ADAMTS17: variants seen among roughly 807,000 people sequenced by gnomAD.
ADAMTS17 encodes the protein A disintegrin and metalloproteinase with thrombospondin motifs 17.
Under a neutral mutation model 141.5 loss-of-function variants are expected in ADAMTS17, and 113 were observed. That is an observed-to-expected ratio of 0.80 (90% CI 0.69 to 0.93). ADAMTS17 has a LOEUF of 0.93. ADAMTS17 is among the 40% of genes least tolerant of loss of function. ADAMTS17 has a pLI of 0.00. For synonymous variants in ADAMTS17, 768 were observed against 630.6 expected (o/e 1.22, Z -3.27); for missense variants, 1,659 against 1,517.9 (o/e 1.09, Z -1.54).
At chr15:100,282,583 C>A (rs1241836929) in intron 3 of ADAMTS17, among the ~76,000 whole-genome samples, 1 of 152,236 alleles carries the variant, frequency 6.6e-6, no homozygotes, top group African/African-American at 2.4e-5. Context: ...CAAAATCGCT[C>A]ATTGTACTGT....
chr15:100,136,363 A>G (rs1280210667), intron 10 of ADAMTS17, among the ~76,000 whole-genome samples: 1 of 152,242 alleles, frequency 6.6e-6, no homozygotes, highest in Non-Finnish European at 1.5e-5. Flanking sequence ...TTAGCACTGC[A>G]GCGTCTCATC....
chr15:100,340,533 C>A (rs961469448), intron 2 of ADAMTS17, among the ~76,000 whole-genome samples: 12 of 152,154 alleles, frequency 7.9e-5, no homozygotes, highest in African/African-American at 1.9e-4. Flanking sequence ...TGTCTGGGTA[C>A]CTCTCCAAAC....
intron 14 of ADAMTS17, among the ~76,000 whole-genome samples, chr15:100,105,697 A>AT (rs1195762700): frequency 4.0e-5 from 6 of 151,546 alleles, no homozygotes; most frequent in Admixed American, 6.6e-5. Context: ...TCTTATTTTT[A>AT]TTTTTTTTGA....
chr15:100,064,274 C>T (rs539837514), intron 15 of ADAMTS17, among the ~76,000 whole-genome samples: 2 of 152,322 alleles, frequency 1.3e-5, no homozygotes, highest in South Asian at 4.1e-4. Flanking sequence ...CAGATCCTCC[C>T]TCGTGACCTG....
intron 18 of ADAMTS17, among the ~76,000 whole-genome samples, chr15:100,034,367 G>A (rs74961944): frequency 0.014 from 2,088 of 152,356 alleles, 51 homozygotes; most frequent in African/African-American, 0.048. Flanking sequence ...GGCACAGGCC[G>A]TGCTGTGGGA....
chr15:100,244,329 CAGT>C (rs765362547), intron 7 of ADAMTS17, among the ~76,000 whole-genome samples: 57 of 145,504 alleles, frequency 3.9e-4, no homozygotes, highest in Non-Finnish European at 6.9e-4. Context: ...CACTCAACGA[CAGT>C]GGTGGACAAG....
chr15:100,130,465 C>T (rs2037980531), intron 12 of ADAMTS17, among the ~76,000 whole-genome samples: 1 of 152,096 alleles, frequency 6.6e-6, no homozygotes, highest in Non-Finnish European at 1.5e-5. Context: ...ATAATTAATA[C>T]ATAATGCCAA....
chr15:100,261,766 C>T lies in ADAMTS17; in HGVS notation c.874-130G>A, dbSNP rs148195623. The T allele has an allele frequency of 5.6e-4, 569 of 1,018,026 alleles. 3 individuals are homozygous for T. In the East Asian group the frequency reaches 0.013, roughly 24 times the overall value. The allele number at this position is 1,018,026 out of a possible 1,614,324, so 63.1% of individuals were successfully genotyped here. Reference sequence around the variant, plus strand: ...ACATCATTTGATGACTCACGGCCCTCGAAGAAAAGCCTGATGCTAGTGGGT... The same window carrying T: ...ACATCATTTGATGACTCACGGCCCTTGAAGAAAAGCCTGATGCTAGTGGGT... On this transcript the variant is annotated intron_variant, in intron 5 of 21. Transcript: ENST00000268070.
Position 100,341,126 on chromosome 15 carries a change from G to C in ADAMTS17, c.363C>G (p.Pro121=), listed in dbSNP as rs893666742. 7.6e-6 allele frequency: 11 copies of C among 1,442,874 alleles called. No homozygotes were observed. The highest frequency in any genetic ancestry group is 9.9e-6 in the Non-Finnish European group (11 of 1,106,898). 89.4% of individuals were successfully genotyped at this position (1,442,874 alleles called of 1,614,324 possible). The part of the protein sequence containing the change: ...EAGAARRRGR[P]AELCFYSGRV... ...GGCCCGAGTAGAAGCACAGCTCGGCGGGGCGGCCGCGGCGCCGGGCCGCGC... is the reference window on the plus strand; with the variant it reads ...GGCCCGAGTAGAAGCACAGCTCGGCCGGGCGGCCGCGGCGCCGGGCCGCGC... Residue 121 remains proline (P), a synonymous_variant, in exon 2 of 22, where the codon CCC becomes CCG. Transcript: ENST00000268070.
chr15:100,218,078 G>T (rs1052530873), intron 7 of ADAMTS17, among the ~76,000 whole-genome samples: 7 of 151,912 alleles, frequency 4.6e-5, no homozygotes, highest in Non-Finnish European at 1.0e-4. Flanking sequence ...TCACCATGTT[G>T]CCCAGGCTAG....
intron 14 of ADAMTS17, among the ~76,000 whole-genome samples, chr15:100,102,821 CCGT>C (rs2036198782): frequency 6.6e-6 from 1 of 152,182 alleles, no homozygotes. Flanking sequence ...ACTTGACAGC[CCGT>C]CAAGCTCTGA....
chr15:99,991,626 G>C (rs1389297547), intron 20 of ADAMTS17, among the ~76,000 whole-genome samples: 1 of 152,180 alleles, frequency 6.6e-6, no homozygotes, highest in Non-Finnish European at 1.5e-5. Flanking sequence ...ATTCCTCAAG[G>C]ATCTAGAACC....
Position 99,997,581 on chromosome 15 carries a change from G to A in ADAMTS17, c.2600C>T (p.Ala867Val). 3 of 1,612,856 alleles carry A rather than the reference G, an allele frequency of 1.9e-6. No homozygotes were observed. The highest frequency in any genetic ancestry group is 2.5e-6 in the Non-Finnish European group (3 of 1,179,866). The change falls in exon 19 of 22, where the codon GCA becomes GTA. Residue 867 changes from alanine (A) to valine (V), a missense_variant. Transcript: ENST00000268070. The surrounding 1 kb of genome is among the most constrained non-coding windows in gnomAD (Gnocchi z 4.7). ...CGCCGAGCAGGGGCTCCACGGGCCT[G>A]CCACCCACCTGCCAGACGGGAGGAA... ...NLHPCQSRWV[A>V]GPWSPCSATC...
intron 7 of ADAMTS17, among the ~76,000 whole-genome samples, chr15:100,201,265 G>T (rs2035345): frequency 0.19 from 29,370 of 152,104 alleles, 3,038 homozygotes; most frequent in East Asian, 0.24. Context: ...CCCCCACGCC[G>T]TTCTTGGGAC....
In ADAMTS17 at chr15:99,974,138, C is replaced by T. The variant is rs920183012; in HGVS notation, c.*264G>A. The T allele has an allele frequency of 1.9e-6, 1 of 533,898 alleles. No individual in the cohort carries two copies. The highest frequency in any genetic ancestry group is 1.9e-5 in the African/African-American group (1 of 52,340). The allele number at this position is 533,898 out of a possible 1,614,324, so 33.1% of individuals were successfully genotyped here. A position where few individuals can be genotyped will look rare whatever the true frequency, so the allele number is the denominator to read the frequency against. On this transcript the variant is annotated 3_prime_UTR_variant, in exon 22 of 22. Transcript: ENST00000268070. Reference sequence around the variant, plus strand: ...ACGGTTGTCTGCCAGAGGTGCTTCCCTTCGAGGTACCTGAAATCCTAGAAA... The same window carrying T: ...ACGGTTGTCTGCCAGAGGTGCTTCCTTTCGAGGTACCTGAAATCCTAGAAA...
intron 18 of ADAMTS17, among the ~76,000 whole-genome samples, chr15:100,039,758 T>G (rs2031080470): frequency 6.6e-6 from 1 of 152,240 alleles, no homozygotes; most frequent in Non-Finnish European, 1.5e-5. Flanking sequence ...TTTATACTGT[T>G]AAGTCTTCTA....
intron 14 of ADAMTS17, 101 bp from the exon 15 acceptor site, chr15:100,096,577 TGGGGCCTGGGGCCC>T: frequency 6.7e-7 from 1 of 1,497,076 alleles, no homozygotes; most frequent in Non-Finnish European, 9.2e-7. Flanking sequence ...GCAGCATACA[TGGGGCCTGGGGCCC>T]TGATCCATTC....
chr15:99,981,986 A>G (rs730115), intron 20 of ADAMTS17, among the ~76,000 whole-genome samples: 16 of 152,292 alleles, frequency 1.1e-4, no homozygotes, highest in African/African-American at 3.8e-4. Flanking sequence ...GGCAGGGGGA[A>G]GGGGTGCCTG....
chr15:100,103,632 G>A (rs532648519), intron 14 of ADAMTS17, among the ~76,000 whole-genome samples: 2 of 151,862 alleles, frequency 1.3e-5, no homozygotes, highest in South Asian at 4.2e-4. Context: ...AGGCTAGAGT[G>A]CACTGGTGCG....
Sources: allele counts gnomAD v4.1 joint callset (sites outside exome capture counted in the v4.1 genomes callset), GRCh38; gene constraint gnomAD v4.1.1; non-coding constraint Gnocchi (gnomAD v3.1); transcripts MANE v1.5; gene names NCBI Gene and HGNC (gene_info 2026-07-23, HGNC 2026-07-21).